Variants in PDE1C observed in about 807,000 individuals in gnomAD.
PDE1C encodes the protein dual specificity calcium/calmodulin-dependent 3',5'-cyclic nucleotide phosphodiesterase 1C.
Under a neutral mutation model 93.1 loss-of-function variants are expected in PDE1C, and 62 were observed. The observed-to-expected ratio is 0.67, with a 90% CI of 0.54 to 0.82. The LOEUF (loss-of-function observed/expected upper bound fraction) is 0.82. PDE1C is among the 40% of genes least tolerant of loss of function. PDE1C has a pLI of 0.00. For missense variants in PDE1C, 742 were observed against 884.6 expected, an observed-to-expected ratio of 0.84 and a Z score of 2.04; for synonymous variants, 325 against 310.1, an observed-to-expected ratio of 1.05 and a Z score of -0.50.
At chr7:31,868,779 A>G (rs1474565013) in intron 6 of PDE1C, among the ~76,000 whole-genome samples, 1 of 152,146 alleles carries the variant, frequency 6.6e-6, no homozygotes, top group East Asian at 1.9e-4. Context: ...AAAAATTCTA[A>G]AAACAGCAAG....
chr7:31,745,780 C>A, the PDE1C span, among the ~76,000 whole-genome samples: 1 of 152,314 alleles, frequency 6.6e-6, no homozygotes, highest in African/African-American at 2.4e-5. Flanking sequence ...TCATGAGAAA[C>A]TTTGTCCTTT....
chr7:31,854,475 A>G (rs1423951104), intron 7 of PDE1C, among the ~76,000 whole-genome samples: 1 of 152,190 alleles, frequency 6.6e-6, no homozygotes, highest in Non-Finnish European at 1.5e-5. Context: ...ACAAAATATG[A>G]GTGTCACAAC....
chr7:31,874,695 C>T (rs1162193362), intron 5 of PDE1C, among the ~76,000 whole-genome samples: 1 of 152,164 alleles, frequency 6.6e-6, no homozygotes, highest in African/African-American at 2.4e-5. Context: ...TGAATTGTTC[C>T]AATTCACACT....
intron 1 of PDE1C, among the ~76,000 whole-genome samples, chr7:32,246,788 G>A (rs1808991687): frequency 6.6e-6 from 1 of 152,162 alleles, no homozygotes; most frequent in Admixed American, 6.5e-5. Context: ...TACCTACCTT[G>A]TAAGACTGTT....
rs1257819766 is a variant in PDE1C, at chr7:32,418,284, A to AG, written c.310+9537dup. 3.3e-5 allele frequency among the ~76,000 whole-genome samples: 5 copies of AG among 152,252 alleles called. No homozygotes were observed. In the East Asian group the frequency reaches 9.6e-4, roughly 29 times the overall value. On this transcript the variant is annotated intron_variant, in intron 1 of 1. Coordinates refer to the PDE1C transcript ENST00000672256. ...CTGATGTCTCAGGCAGTTCAGCACA[A>AG]GGCTTAAGACCTGGGTTCAAGTAAG...
intron 2 of PDE1C, among the ~76,000 whole-genome samples, chr7:32,007,472 G>A (rs1786434054): frequency 6.6e-6 from 1 of 152,200 alleles, no homozygotes; most frequent in Non-Finnish European, 1.5e-5. Flanking sequence ...CCACGAGAAG[G>A]AATCACATGT....
chr7:31,640,660 C>T, the PDE1C span, among the ~76,000 whole-genome samples: 2 of 150,530 alleles, frequency 1.3e-5, no homozygotes, highest in Non-Finnish European at 3.0e-5. Context: ...TTTTTTTCCA[C>T]ATATCTTGTC....
chr7:31,838,733 C>T (rs926913505), intron 9 of PDE1C, among the ~76,000 whole-genome samples: 1 of 152,100 alleles, frequency 6.6e-6, no homozygotes, highest in African/African-American at 2.4e-5. Flanking sequence ...TTTACTGCCT[C>T]TAACGACTTT....
chr7:31,849,919 TGA>T (rs1793116676), intron 8 of PDE1C, among the ~76,000 whole-genome samples: 1 of 152,170 alleles, frequency 6.6e-6, no homozygotes, highest in Admixed American at 6.6e-5. Flanking sequence ...AATTCTGTGC[TGA>T]GAGGAATACT....
At chr7:31,794,815 C>A (rs146756758) in intron 16 of PDE1C, among the ~76,000 whole-genome samples, 413 of 152,058 alleles carry the variant, frequency 2.7e-3, no homozygotes, top group Admixed American at 9.8e-3. Flanking sequence ...CAGGAAGAAG[C>A]CCAGGACCGT....
chr7:31,828,496 T>A, intron 11 of PDE1C, 123 bp from the exon 12 acceptor site: 1 of 632,040 alleles, frequency 1.6e-6, no homozygotes, highest in East Asian at 2.8e-5. Context: ...AATTACATTA[T>A]AAAATAAGTC....
chr7:31,759,440 G>C (rs1039861037), intron 17 of PDE1C, among the ~76,000 whole-genome samples: 1 of 152,064 alleles, frequency 6.6e-6, no homozygotes, highest in East Asian at 1.9e-4. Context: ...ACCAAACCTG[G>C]ATCCCCACCC....
chr7:31,867,644 A>G (rs560677872), intron 6 of PDE1C, among the ~76,000 whole-genome samples: 226 of 152,206 alleles, frequency 1.5e-3, no homozygotes, highest in Admixed American at 2.6e-3. Flanking sequence ...TGCCATGCCT[A>G]CTGTTCAGGG....
intron 11 of PDE1C, among the ~76,000 whole-genome samples, chr7:31,831,496 A>ATG (rs1790390880): frequency 8.9e-5 from 4 of 45,126 alleles, no homozygotes; most frequent in Non-Finnish European, 1.8e-4. Context: ...ACACACATGC[A>ATG]CGCACACACA....
chr7:32,213,386 C>T (rs1014689400), intron 1 of PDE1C, among the ~76,000 whole-genome samples: 1 of 152,158 alleles, frequency 6.6e-6, no homozygotes, highest in African/African-American at 2.4e-5. Flanking sequence ...TCTATGCTGA[C>T]TATTGTTGGA....
rs774396060 is a variant in PDE1C at position 32,209,488 on chromosome 7, C to G, written c.136+1G>C. On this transcript the variant is annotated splice_donor_variant, in intron 2 of 18. Transcript: ENST00000396193. LOFTEE classifies it high-confidence loss of function. The stretch of plus-strand genomic sequence containing the variant: ...AAAGGAGTGAAACAAGATTTACTCA[C>G]GAGAGAAGCGGGCCAGTGGTCTGGC... 1.3e-6 allele frequency: 2 copies of G among 1,571,174 alleles called. No homozygotes were observed. Among genetic ancestry groups the G allele is most frequent in the South Asian group, 1.2e-5 (1 of 84,198 alleles).
At chr7:32,068,351 G>T (rs1471337881) in intron 1 of PDE1C, among the ~76,000 whole-genome samples, 3 of 151,672 alleles carry the variant, frequency 2.0e-5, no homozygotes, top group African/African-American at 7.3e-5. Flanking sequence ...TGTGTGCTTT[G>T]GTTTCCAGAG....
chr7:31,828,194 A>G, intron 12 of PDE1C, 98 bp downstream of exon 12: 2 of 886,370 alleles, frequency 2.3e-6, no homozygotes, highest in Non-Finnish European at 3.7e-6. Context: ...GGCAGAATGG[A>G]GCCAGTTTCC....
intron 1 of PDE1C, among the ~76,000 whole-genome samples, chr7:32,348,401 G>A (rs551619518): frequency 1.8e-5 from 2 of 109,316 alleles, no homozygotes; most frequent in African/African-American, 7.2e-5. Flanking sequence ...GTCTCGCTCT[G>A]TCACCCAGGC....
Sources: gnomAD v4.1 joint callset for allele counts (sites outside exome capture counted in the v4.1 genomes callset) on GRCh38, gnomAD v4.1.1 for gene constraint, MANE v1.5 for transcripts, NCBI Gene and HGNC (gene_info 2026-07-23, HGNC 2026-07-21) for gene names.